The following SEL1L3 variants were observed in gnomAD, a reference collection of about 807,000 sequenced individuals.
SEL1L3 encodes the protein SEL1L family member 3, also known as protein sel-1 homolog 3.
In SEL1L3, 76 loss-of-function variants were observed where a neutral mutation model predicts 142.8. That is an observed-to-expected ratio of 0.53 (90% CI 0.44 to 0.64). SEL1L3 has a LOEUF of 0.64. Among genes scored for constraint, SEL1L3 ranks in the 30% least tolerant of loss-of-function variants. The pLI is 0.00. For missense variants in SEL1L3, 1,262 were observed against 1,381.7 expected, an observed-to-expected ratio of 0.91 and a Z score of 1.37; for synonymous variants, 504 against 519.6, an observed-to-expected ratio of 0.97 and a Z score of 0.41.
intron 1 of SEL1L3, among the ~76,000 whole-genome samples, chr4:25,858,307 G>A (rs1207237533): frequency 1.3e-5 from 2 of 152,172 alleles, no homozygotes; most frequent in Non-Finnish European, 2.9e-5. Context: ...GTGAGGTTTG[G>A]GGATGATCTC....
At chr4:25,809,597 C>T (rs1713878776) in intron 9 of SEL1L3, among the ~76,000 whole-genome samples, 1 of 152,148 alleles carries the variant, frequency 6.6e-6, no homozygotes, top group Non-Finnish European at 1.5e-5. Flanking sequence ...TATAAACTTT[C>T]TGATTTTACA....
At chr4:25,791,036 C>T (rs1387626791) in intron 11 of SEL1L3, among the ~76,000 whole-genome samples, 3 of 152,168 alleles carry the variant, frequency 2.0e-5, no homozygotes, top group Non-Finnish European at 2.9e-5. Flanking sequence ...CTTGAGAAAC[C>T]GAAGTTATTT....
intron 10 of SEL1L3, 102 bp from the exon 11 acceptor site, chr4:25,802,564 G>T: frequency 1.0e-6 from 1 of 964,698 alleles, no homozygotes; most frequent in Non-Finnish European, 1.5e-6. Context: ...TACAATCCTA[G>T]CCATTCCAGA....
chr4:25,813,823 C>T (rs1332294281), intron 9 of SEL1L3, among the ~76,000 whole-genome samples: 2 of 152,208 alleles, frequency 1.3e-5, no homozygotes, highest in African/African-American at 4.8e-5. Context: ...CTGGGAACAA[C>T]TCAAAGGTGC....
At chr4:25,739,121 A>G in the SEL1L3 span, among the ~76,000 whole-genome samples, 12 of 152,294 alleles carry the variant, frequency 7.9e-5, no homozygotes, top group African/African-American at 2.9e-4. Context: ...AGGCAGAACC[A>G]TCACTTGAAC....
chr4:25,840,193 T>C (rs1716079154), intron 2 of SEL1L3, among the ~76,000 whole-genome samples: 1 of 152,134 alleles, frequency 6.6e-6, no homozygotes, highest in South Asian at 2.1e-4. Context: ...ACAATGTGTG[T>C]GAAAAAAGTG....
In SEL1L3 at chr4:25,842,535, G is replaced by T. The variant is rs116051709; in HGVS notation, c.733+4759C>A. On this transcript the variant is annotated intron_variant, in intron 2 of 23. Transcript: ENST00000399878. ...GAGAATCCCTGAACAGGAGGAGCCT[G>T]CAGCCTTAACTAGCGCAGCCCTGGT... 6.5e-3 allele frequency among the ~76,000 whole-genome samples: 992 copies of T among 152,356 alleles called. 10 individuals are homozygous for T. The highest frequency in any genetic ancestry group is 0.023 in the African/African-American group (940 of 41,584).
intron 2 of SEL1L3, among the ~76,000 whole-genome samples, chr4:25,838,344 T>C (rs981666039): frequency 5.9e-5 from 9 of 152,202 alleles, no homozygotes; most frequent in African/African-American, 2.2e-4. Flanking sequence ...GTTTTGCTTG[T>C]ATTATTTCCT....
downstream of SEL1L3, among the ~76,000 whole-genome samples, chr4:25,746,401 C>G (rs918905384): frequency 2.0e-5 from 3 of 150,280 alleles, no homozygotes; most frequent in African/African-American, 4.9e-5. Flanking sequence ...TGCTTGTAGT[C>G]CCTGCTACTC....
chr4:25,796,638 C>T (rs983829963), intron 11 of SEL1L3, among the ~76,000 whole-genome samples: 6 of 151,724 alleles, frequency 4.0e-5, no homozygotes, highest in African/African-American at 1.5e-4. Context: ...ACTAAAAATG[C>T]CCAAAATTAG....
chr4:25,735,651 C>T, the SEL1L3 span, among the ~76,000 whole-genome samples: 2 of 151,396 alleles, frequency 1.3e-5, no homozygotes, highest in South Asian at 2.1e-4. Context: ...AAACATTTAA[C>T]GTTATAAAAT....
intron 1 of SEL1L3, among the ~76,000 whole-genome samples, chr4:25,852,333 T>C (rs1716963215): frequency 6.6e-6 from 1 of 152,208 alleles, no homozygotes. Context: ...TAGCAAATGA[T>C]ATCAATGGTG....
chr4:25,715,506 A>G, the SEL1L3 span, among the ~76,000 whole-genome samples: 8 of 152,112 alleles, frequency 5.3e-5, no homozygotes, highest in Admixed American at 5.2e-4. Context: ...CCTATGGTGG[A>G]AATTTGGCAA....
chr4:25,715,513 G>T, the SEL1L3 span, among the ~76,000 whole-genome samples: 1 of 151,914 alleles, frequency 6.6e-6, no homozygotes, highest in Non-Finnish European at 1.5e-5. Context: ...TGGAAATTTG[G>T]CAATATCTGT....
downstream of SEL1L3, among the ~76,000 whole-genome samples, chr4:25,744,256 C>A (rs1365033172): frequency 6.6e-6 from 1 of 151,786 alleles, no homozygotes; most frequent in Non-Finnish European, 1.5e-5. Context: ...GAAGTCCTAA[C>A]ACCGAGTACC....
intron 1 of SEL1L3, chr4:25,862,165 G>A (rs768797128): frequency 3.3e-5 from 5 of 152,424 alleles, no homozygotes; most frequent in African/African-American, 1.2e-4. Flanking sequence ...TGCGTTGGCA[G>A]AAAACTGTCC....
At chr4:25,714,536 CTTTCTTTCTTTCT>C in the SEL1L3 span, among the ~76,000 whole-genome samples, 1 of 98,730 alleles carries the variant, frequency 1.0e-5, no homozygotes, top group African/African-American at 3.2e-5. Context: ...TTCTTTCTTT[CTTTCTTTCTTTCT>C]TTCTTCTTTC....
intron 2 of SEL1L3, among the ~76,000 whole-genome samples, chr4:25,841,929 C>T (rs1716191161): frequency 6.6e-6 from 1 of 152,148 alleles, no homozygotes; most frequent in Non-Finnish European, 1.5e-5. Flanking sequence ...CACTGCACTC[C>T]AGCCTGGGTG....
chr4:25,765,190 C>T (rs1470530095), intron 20 of SEL1L3, 136 bp downstream of exon 20: 10 of 636,528 alleles, frequency 1.6e-5, no homozygotes, highest in East Asian at 1.4e-4. Context: ...GATGGGGTTT[C>T]GCCATGTTGC....
Sources: allele counts gnomAD v4.1 joint callset (sites outside exome capture counted in the v4.1 genomes callset), GRCh38; gene constraint gnomAD v4.1.1; transcripts MANE v1.5; gene names NCBI Gene and HGNC (gene_info 2026-07-23, HGNC 2026-07-21).